The following MKKS variants were observed in gnomAD, a reference collection of about 807,000 sequenced individuals.
The protein encoded by MKKS is MKKS centrosomal shuttling protein.
A neutral mutation model predicts 33.2 loss-of-function variants in MKKS; 29 were observed. The ratio of observed to expected loss-of-function variants is 0.87; its 90% CI spans 0.65 to 1.19. The LOEUF is 1.19. Among genes scored for constraint, MKKS ranks in the 50% most tolerant of loss-of-function variants. MKKS has a pLI of 0.00. For synonymous variants in MKKS, 260 were observed against 244.0 expected (o/e 1.07, Z -0.61); for missense variants, 661 against 662.3 (o/e 1.00, Z 0.02).
rs1381883009 is a variant in MKKS at position 10,433,470 on chromosome 20, A to G, written c.-649+638T>C. ...ACTCGGCAGTGCTGTAGACACGTGTATATCTGTTTATGGATAAACTGAAGA... is the reference window on the plus strand; with the variant it reads ...ACTCGGCAGTGCTGTAGACACGTGTGTATCTGTTTATGGATAAACTGAAGA... On this transcript the variant is annotated intron_variant, in intron 1 of 5. Transcript: ENST00000347364. 4.6e-5 allele frequency among the ~76,000 whole-genome samples: 7 copies of G among 152,342 alleles called. No individual in the cohort carries two copies. In the East Asian group the frequency reaches 1.2e-3, roughly 25 times the overall value.
chr20:10,431,531 C>A (rs758090938), intron 1 of MKKS, among the ~76,000 whole-genome samples: 3 of 74,620 alleles, frequency 4.0e-5, no homozygotes, highest in African/African-American at 2.7e-4. Flanking sequence ...GGTCAAAAAA[C>A]CAAACCAAAC....
intron 2 of MKKS, among the ~76,000 whole-genome samples, chr20:10,415,099 T>TA (rs567554943): frequency 2.0e-5 from 3 of 151,910 alleles, no homozygotes; most frequent in Non-Finnish European, 2.9e-5. Flanking sequence ...GTGTCCTTGC[T>TA]AAAAAAAAGT....
intron 3 of MKKS, among the ~76,000 whole-genome samples, chr20:10,411,098 T>C (rs1253519627): frequency 1.3e-5 from 2 of 151,834 alleles, no homozygotes; most frequent in East Asian, 3.9e-4. Context: ...GCAATTCTCC[T>C]GTCTCAGCCT....
rs202113646 is a variant in MKKS, at chr20:10,412,651, T to G, written c.864A>C (p.Val288=). ...NLGRQLISDH[V]DLVLCQKVIH... is the part of the protein sequence containing the mutation. ...TAACTTTTTGGCACAGGACAAGATC[T>G]ACGTGGTCACTGATTAGCTGCCTTC... The change falls in exon 3 of 6, where the codon GTA becomes GTC. Residue 288 remains valine, a synonymous_variant. Coordinates refer to ENST00000347364, the MANE Select transcript of MKKS (RefSeq NM_170784.3). 1.2e-6 allele frequency: 2 copies of G among 1,614,192 alleles called. No individual in the cohort carries two copies. The highest frequency in any genetic ancestry group is 3.3e-5 in the Admixed American group (2 of 60,028).
rs1157186319 is a variant in MKKS at position 10,408,742 on chromosome 20, A to G, written c.1047T>C (p.Asp349=). The G allele has an allele frequency of 2.5e-6, 4 of 1,613,940 alleles. No homozygotes were observed. The highest frequency in any genetic ancestry group is 2.2e-5 in the East Asian group (1 of 44,854). The stretch of plus-strand genomic sequence containing the variant: ...TGGAGCCAAATTTTGCAGTGCACAC[A>G]TCTTTCACACTTCCATAACTATTAG... ...ICPNSYGSVK[D]VCTAKFGSKH... Residue 349 remains aspartate (D), a synonymous_variant, in exon 4 of 6, where the codon GAT becomes GAC. Coordinates refer to ENST00000347364, the MANE Select transcript of MKKS (RefSeq NM_170784.3).
In MKKS at chr20:10,403,178, C is replaced by T. The variant is rs1372239207; in HGVS notation, c.*2069G>A. On this transcript the variant is annotated 3_prime_UTR_variant, in exon 6 of 6. Transcript: ENST00000347364. ...GTGGGCCTCCCCAGGGGGCAGTTCC[C>T]AACATGACAGCTGGCTTCCATTGAG... is the stretch of plus-strand genomic sequence containing the variant. The T allele has an allele frequency of 1.3e-5, 2 of 152,206 alleles. No individual in the cohort carries two copies. The highest frequency in any genetic ancestry group is 2.9e-5 in the Non-Finnish European group (2 of 68,090). The allele number at this position is 152,206 out of a possible 1,614,324, so 9.4% of individuals were successfully genotyped here.
chr20:10,429,500 A>G (rs912781278), intron 1 of MKKS, among the ~76,000 whole-genome samples: 5 of 152,050 alleles, frequency 3.3e-5, no homozygotes, highest in Non-Finnish European at 5.9e-5. Context: ...CTTTGAACTA[A>G]CCGTCCCCAC....
chr20:10,417,915 A>AT (rs1351979312), intron 2 of MKKS, among the ~76,000 whole-genome samples: 1 of 152,188 alleles, frequency 6.6e-6, no homozygotes, highest in Non-Finnish European at 1.5e-5. Context: ...AATGTGGGAA[A>AT]TTTTTTAAAA....
intron 1 of MKKS, among the ~76,000 whole-genome samples, chr20:10,431,479 T>C (rs1893534427): frequency 1.3e-5 from 2 of 152,082 alleles, no homozygotes; most frequent in Non-Finnish European, 2.9e-5. Context: ...TTTGAGAAGA[T>C]AATGGGACAA....
intron 4 of MKKS, among the ~76,000 whole-genome samples, chr20:10,408,201 T>A (rs779729243): frequency 5.3e-5 from 8 of 152,240 alleles, no homozygotes; most frequent in Non-Finnish European, 1.2e-4. Context: ...TTAAAACTTG[T>A]GACCAATCCC....
intron 1 of MKKS, among the ~76,000 whole-genome samples, chr20:10,423,335 C>T (rs73260065): frequency 0.14 from 21,707 of 151,942 alleles, 1,744 homozygotes; most frequent in East Asian, 0.24. Context: ...GTAGGAGGAT[C>T]GCTTGGACCT....
intron 1 of MKKS, among the ~76,000 whole-genome samples, chr20:10,423,374 A>C (rs181567842): frequency 1.7e-4 from 26 of 152,304 alleles, no homozygotes; most frequent in African/African-American, 5.5e-4. Context: ...GTGAGCTGAG[A>C]TAACACCATT....
chr20:10,416,934 A>G (rs2064943000), intron 2 of MKKS, among the ~76,000 whole-genome samples: 2 of 152,224 alleles, frequency 1.3e-5, no homozygotes, highest in African/African-American at 2.4e-5. Context: ...TATAGACACT[A>G]TATGATCTGC....
intron 1 of MKKS, among the ~76,000 whole-genome samples, chr20:10,433,282 G>A (rs1035406795): frequency 3.9e-5 from 6 of 152,214 alleles, no homozygotes; most frequent in Non-Finnish European, 7.3e-5. Flanking sequence ...GGGGTTACAG[G>A]GGTGAGCCAC....
chr20:10,414,006 T>A (rs1448011786), intron 2 of MKKS, 75 bp from the exon 3 acceptor site: 2 of 393,642 alleles, frequency 5.1e-6, no homozygotes, highest in East Asian at 7.2e-5. Context: ...AATAATTTAT[T>A]CTAATGCTCT....
intron 2 of MKKS, among the ~76,000 whole-genome samples, chr20:10,418,258 G>A (rs1010856422): frequency 1.4e-4 from 22 of 152,160 alleles, no homozygotes; most frequent in African/African-American, 5.1e-4. Context: ...CTGGCAAAAC[G>A]CTGTTAACTA....
At chr20:10,433,937 C>G (rs1331173173) in intron 1 of MKKS, among the ~76,000 whole-genome samples, 171 bp downstream of exon 1, 1 of 152,230 alleles carries the variant, frequency 6.6e-6, no homozygotes, top group Admixed American at 6.5e-5. Flanking sequence ...AGAGGTCGGT[C>G]TTTCGCCTCC....
intron 1 of MKKS, among the ~76,000 whole-genome samples, chr20:10,422,943 C>A (rs560452129): frequency 3.9e-5 from 6 of 152,054 alleles, no homozygotes; most frequent in Non-Finnish European, 8.8e-5. Flanking sequence ...GATCTCCTGA[C>A]CTTGCGATCC....
chr20:10,417,002 G>A (rs1680401425), intron 2 of MKKS, among the ~76,000 whole-genome samples: 1 of 152,078 alleles, frequency 6.6e-6, no homozygotes, highest in South Asian at 2.1e-4. Flanking sequence ...CCAATTTCTA[G>A]GTTACAGCAA....
Sources: allele counts gnomAD v4.1 joint callset (sites outside exome capture counted in the v4.1 genomes callset), GRCh38; gene constraint gnomAD v4.1.1; transcripts MANE v1.5; gene names NCBI Gene and HGNC (gene_info 2026-07-23, HGNC 2026-07-21).